Variants in CBY2 observed in about 807,000 individuals in gnomAD.
The protein encoded by CBY2 is chibby family member 2.
CBY2 carries 23 observed loss-of-function variants against 25.3 expected under a neutral mutation model. The observed-to-expected ratio is 0.91, with a 90% confidence interval of 0.65 to 1.29. CBY2 has a LOEUF of 1.29. CBY2 is among the 50% of genes most tolerant of loss of function. The pLI is 0.00. For missense variants in CBY2, 642 were observed against 590.7 expected (o/e 1.09, Z -0.90); for synonymous variants, 279 against 260.2 (o/e 1.07, Z -0.70).
rs143074027 is a variant in CBY2 at position 45,704,848 on chromosome 13, A to G, written c.156+1993A>G. Among the ~76,000 whole-genome samples the G allele has an allele frequency of 6.6e-6, 1 of 152,210 alleles. No individual in the cohort carries two copies. Among genetic ancestry groups the G allele is most frequent in the South Asian group, 2.1e-4 (1 of 4,832 alleles). The stretch of plus-strand genomic sequence containing the variant: ...ATGCCAGTAAGCTGGGCCATGCTGC[A>G]TCTTAGCTCCATGGTTCTTCTCTTG... On this transcript the variant is annotated intron_variant, in intron 2 of 2. Coordinates refer to ENST00000310521, the MANE Select transcript of CBY2 (RefSeq NM_152719.3). This position sits in a 1 kb window ranked among gnomAD's most constrained non-coding sequence, Gnocchi z 4.1.
intron 2 of CBY2, among the ~76,000 whole-genome samples, chr13:45,705,549 A>G (rs2137501953): frequency 6.6e-6 from 1 of 152,348 alleles, no homozygotes; most frequent in East Asian, 1.9e-4. Flanking sequence ...CAGTATGCAA[A>G]CATACTACAT....
intron 2 of CBY2, among the ~76,000 whole-genome samples, chr13:45,710,591 A>G (rs776719631): frequency 6.6e-6 from 1 of 152,196 alleles, no homozygotes; most frequent in African/African-American, 2.4e-5. Flanking sequence ...GGCTTTGACC[A>G]GTCTTCCCAG....
chr13:45,706,266 C>T (rs543500702), intron 2 of CBY2, among the ~76,000 whole-genome samples: 2 of 152,216 alleles, frequency 1.3e-5, no homozygotes, highest in Non-Finnish European at 2.9e-5. Context: ...AGATTTCAGG[C>T]ATTTTCCTTC....
intron 2 of CBY2, among the ~76,000 whole-genome samples, chr13:45,706,317 T>C (rs1352980218): frequency 6.6e-6 from 1 of 152,204 alleles, no homozygotes; most frequent in Non-Finnish European, 1.5e-5. Flanking sequence ...CCAGACCTAA[T>C]GCTAAGGAAG....
rs1239898035 is a variant in CBY2 at position 45,702,856 on chromosome 13, G to C, written c.156+1G>C. 20 of 1,607,284 alleles carry C rather than the reference G, an allele frequency of 1.2e-5. No individual in the cohort carries two copies. Among genetic ancestry groups the C allele is most frequent in the Non-Finnish European group, 1.7e-5 (20 of 1,173,898 alleles). On this transcript the variant is annotated splice_donor_variant, in intron 2 of 2. Coordinates refer to ENST00000310521, the MANE Select transcript of CBY2 (RefSeq NM_152719.3). LOFTEE classifies it high-confidence loss of function. ...TCCAATCAGTGTGGTTCTACCTCAG[G>C]TAGGGATAATCACAGAAGGATGTAA...
At chr13:45,703,613 C>T (rs1439322945) in intron 2 of CBY2, 1 of 1,537,068 alleles carries the variant, frequency 6.5e-7, no homozygotes, top group East Asian at 2.4e-5. Flanking sequence ...AGAGCTCTGT[C>T]CAGGGATGTG....
Position 45,702,565 on chromosome 13 carries a change from A to G in CBY2, c.75+100A>G, listed in dbSNP as rs1489978697. 65 of 1,052,970 alleles carry G rather than the reference A, an allele frequency of 6.2e-5. No individual in the cohort carries two copies. In the East Asian group the frequency reaches 1.3e-3, roughly 21 times the overall value. The allele number at this position is 1,052,970 out of a possible 1,614,324, so 65.2% of individuals were successfully genotyped here. A position where few individuals can be genotyped will look rare whatever the true frequency, so the allele number is the denominator to read the frequency against. On this transcript the variant is annotated intron_variant, in intron 1 of 2. Transcript: ENST00000310521. ...CTTTCAAAAGCCTTTTACATCAACT[A>G]TAATATCTAGCTTAATATCTGTTCA...
chr13:45,710,845 G>A (rs1047971918), intron 2 of CBY2, among the ~76,000 whole-genome samples: 2 of 152,198 alleles, frequency 1.3e-5, no homozygotes, highest in African/African-American at 4.8e-5. Flanking sequence ...TTATTGCAAA[G>A]TTAATGGCAT....
Position 45,713,665 on chromosome 13 carries a change from G to A in CBY2, c.640G>A (p.Ala214Thr), listed in dbSNP as rs770764510. 3.1e-6 allele frequency: 5 copies of A among 1,612,840 alleles called. No individual in the cohort carries two copies. The highest frequency in any genetic ancestry group is 2.2e-5 in the East Asian group (1 of 44,868). The change falls in exon 3 of 3, where the codon GCC (alanine) becomes ACC (threonine). Residue 214 changes from alanine (A) to threonine (T), a missense_variant. Physicochemically the swap from Ala to Thr is moderately conservative, Grantham distance 58 (BLOSUM62 0). Coordinates refer to ENST00000310521, the MANE Select transcript of CBY2 (RefSeq NM_152719.3). This position sits in a 1 kb window ranked among gnomAD's most constrained non-coding sequence, Gnocchi z 5.0. Reference protein sequence around the residue: ...KASLGREESRAPSPLLHKDSA... With the variant: ...KASLGREESRTPSPLLHKDSA... ...CTCGCTGGGCCGAGAGGAGAGCCGGGCCCCCTCGCCACTGCTGCACAAAGA... is the reference window on the plus strand; with the variant it reads ...CTCGCTGGGCCGAGAGGAGAGCCGGACCCCCTCGCCACTGCTGCACAAAGA...
At chr13:45,712,207 T>C (rs1950275100) in intron 2 of CBY2, among the ~76,000 whole-genome samples, 1 of 152,262 alleles carries the variant, frequency 6.6e-6, no homozygotes, top group African/African-American at 2.4e-5. Context: ...TGACAGAATG[T>C]GCCAGAGCCC....
rs1347234965 is a variant in CBY2, at chr13:45,713,477, C to G, written c.452C>G (p.Ala151Gly). ...CAGTCTCCCTACTTCTCCCCATCCG[C>G]CTCCTTCCACCACAAGCTGCACCAC... ...RLQSPYFSPS[A>G]SFHHKLHHKR... Residue 151 changes from alanine (A) to glycine (G), a missense_variant, in exon 3 of 3, where the codon GCC becomes GGC. By Grantham distance (60) the Ala-to-Gly change is moderately conservative (BLOSUM62 0). Transcript: ENST00000310521. The surrounding 1 kb of genome is among the most constrained non-coding windows in gnomAD (Gnocchi z 5.0). 1.9e-6 allele frequency: 3 copies of G among 1,614,086 alleles called. No individual in the cohort carries two copies. In the African/African-American group the frequency reaches 4.0e-5, roughly 22 times the overall value.
chr13:45,702,682 A>G (rs375638680), intron 1 of CBY2, 93 bp from the exon 2 acceptor site: 55 of 1,052,042 alleles, frequency 5.2e-5, no homozygotes, highest in African/African-American at 5.1e-4. Context: ...AGAGAAATAA[A>G]TGAGTAGAAA....
chr13:45,703,483 C>G lies in CBY2; in HGVS notation c.156+628C>G, dbSNP rs915206964. 5 of 1,549,308 alleles carry G rather than the reference C, an allele frequency of 3.2e-6. No homozygotes were observed. In the African/African-American group the frequency reaches 6.9e-5, roughly 21 times the overall value. ...TGAATTGTTTCTACTGCTGCTATGT[C>G]ACAAAGGGGTGGCTTTGCTTTCTCC... On this transcript the variant is annotated intron_variant, in intron 2 of 2. Coordinates refer to ENST00000310521, the MANE Select transcript of CBY2 (RefSeq NM_152719.3).
intron 2 of CBY2, among the ~76,000 whole-genome samples, chr13:45,705,968 G>T (rs1950237625): frequency 6.6e-6 from 1 of 152,162 alleles, no homozygotes. Flanking sequence ...GGGGTGGAGA[G>T]ACATCAGTGT....
At chr13:45,710,366 A>G (rs1950262757) in intron 2 of CBY2, among the ~76,000 whole-genome samples, 1 of 152,154 alleles carries the variant, frequency 6.6e-6, no homozygotes, top group African/African-American at 2.4e-5. Flanking sequence ...CTACTAAAAT[A>G]CAAAAAATTA....
chr13:45,711,827 A>C (rs764079548), intron 2 of CBY2, among the ~76,000 whole-genome samples: 10 of 152,324 alleles, frequency 6.6e-5, no homozygotes, highest in Admixed American at 6.5e-5. Flanking sequence ...ACCATCATGA[A>C]TTCCTCAGGG....
Position 45,704,286 on chromosome 13 carries a change from T to C in CBY2, c.156+1431T>C, listed in dbSNP as rs1047401714. 6.6e-6 allele frequency among the ~76,000 whole-genome samples: 1 copy of C among 152,108 alleles called. No individual in the cohort carries two copies. Among genetic ancestry groups the C allele is most frequent in the African/African-American group, 2.4e-5 (1 of 41,436 alleles). Reference sequence around the variant, plus strand: ...GGTGGTTTAAGACAGCTCAAGCTTGTCTTGGGGCTGCCTGCTTCCTGTGCT... The same window carrying C: ...GGTGGTTTAAGACAGCTCAAGCTTGCCTTGGGGCTGCCTGCTTCCTGTGCT... On this transcript the variant is annotated intron_variant, in intron 2 of 2. Transcript: ENST00000310521. The surrounding 1 kb of genome is among the most constrained non-coding windows in gnomAD (Gnocchi z 4.1).
In CBY2 at chr13:45,714,059, T is replaced by C. The variant is rs201884643; in HGVS notation, c.1034T>C (p.Val345Ala). ...SGPSGEEEAK[V>A]GPGLPDGCQP... ...CCCTCCGGGGAGGAGGAGGCCAAGG[T>C]GGGCCCGGGCCTGCCCGACGGCTGC... The change falls in exon 3 of 3, where the codon GTG becomes GCG. Residue 345 changes from valine to alanine, a missense_variant. By Grantham distance (64) the Val-to-Ala change is moderately conservative. Coordinates refer to ENST00000310521, the MANE Select transcript of CBY2 (RefSeq NM_152719.3). 1,573 of 1,506,598 alleles carry C rather than the reference T, an allele frequency of 1.0e-3. 1 individual carries two copies. Among genetic ancestry groups the C allele is most frequent in the Non-Finnish European group, 1.3e-3 (1,501 of 1,126,548 alleles). 93.3% of individuals were successfully genotyped at this position (1,506,598 alleles called of 1,614,324 possible). A position where few individuals can be genotyped will look rare whatever the true frequency, so the allele number is the denominator to read the frequency against.
In CBY2 at chr13:45,713,261, G is replaced by T; in HGVS notation, c.236G>T (p.Arg79Leu). ...TGCGCGCAGCAGGCCGCCCTGCCCC[G>T]GCTGAGCCGCAGGATGGCGAGCCAG... ...PRCAQQAALP[R>L]LSRRMASQHS... The change falls in exon 3 of 3, where the codon CGG becomes CTG. Residue 79 changes from arginine to leucine, a missense_variant. Arg to Leu is a moderately radical substitution (Grantham distance 102). Coordinates refer to ENST00000310521, the MANE Select transcript of CBY2 (RefSeq NM_152719.3). The surrounding 1 kb of genome is among the most constrained non-coding windows in gnomAD (Gnocchi z 5.0). The T allele has an allele frequency of 1.2e-6, 2 of 1,613,780 alleles. No homozygotes were observed. Among genetic ancestry groups the T allele is most frequent in the Middle Eastern group, 1.6e-4 (1 of 6,062 alleles).
Sources: allele counts gnomAD v4.1 joint callset (sites outside exome capture counted in the v4.1 genomes callset), GRCh38; gene constraint gnomAD v4.1.1; non-coding constraint Gnocchi (gnomAD v3.1); transcripts MANE v1.5; gene names NCBI Gene and HGNC (gene_info 2026-07-23, HGNC 2026-07-21).